Variants in CSTPP1 observed in about 807,000 individuals in gnomAD.
CSTPP1 encodes centriolar satellite-associated tubulin polyglutamylase complex regulator 1.
At chr11:46,970,272 G>A in the CSTPP1 span, among the ~76,000 whole-genome samples, 6 of 151,668 alleles carry the variant, frequency 4.0e-5, no homozygotes, top group Admixed American at 1.3e-4. Flanking sequence ...TTGAGATCCC[G>A]GAAATAGATG....
chr11:47,038,516 C>A, the CSTPP1 span, among the ~76,000 whole-genome samples: 1 of 103,102 alleles, frequency 9.7e-6, no homozygotes, highest in Non-Finnish European at 2.4e-5. Flanking sequence ...TCCTCACTTC[C>A]CAGTAGGGGC....
At chr11:47,112,131 C>A in the CSTPP1 span, among the ~76,000 whole-genome samples, 44 of 152,288 alleles carry the variant, frequency 2.9e-4, no homozygotes, top group East Asian at 8.3e-3. Flanking sequence ...TACTCCTTAA[C>A]CCCTTCAAAT....
the CSTPP1 span, among the ~76,000 whole-genome samples, chr11:47,122,651 C>T: frequency 6.6e-6 from 1 of 152,128 alleles, no homozygotes; most frequent in Non-Finnish European, 1.5e-5. Flanking sequence ...GGCATGATCT[C>T]AGCTCACTGC....
At chr11:47,150,377 C>T in the CSTPP1 span, among the ~76,000 whole-genome samples, 1 of 152,154 alleles carries the variant, frequency 6.6e-6, no homozygotes, top group Admixed American at 6.5e-5. Context: ...TCATGCATTT[C>T]TTCATTCAAC....
At chr11:47,092,367 A>C in the CSTPP1 span, among the ~76,000 whole-genome samples, 1 of 152,348 alleles carries the variant, frequency 6.6e-6, no homozygotes, top group Admixed American at 6.5e-5. Context: ...GAGTCACACC[A>C]GTTAATCATA....
At chr11:47,082,183 C>T in the CSTPP1 span, among the ~76,000 whole-genome samples, 1 of 144,564 alleles carries the variant, frequency 6.9e-6, no homozygotes, top group African/African-American at 2.5e-5. Context: ...AAAACAAAAA[C>T]ACAAACATGA....
the CSTPP1 span, among the ~76,000 whole-genome samples, chr11:47,142,183 C>T: frequency 6.7e-6 from 1 of 149,272 alleles, no homozygotes; most frequent in Non-Finnish European, 1.5e-5. Flanking sequence ...GCAGAGGTTG[C>T]AGTGAGCCGA....
At chr11:47,118,518 G>A in the CSTPP1 span, among the ~76,000 whole-genome samples, 2 of 152,258 alleles carry the variant, frequency 1.3e-5, no homozygotes, top group African/African-American at 2.4e-5. Flanking sequence ...CGATCCTTTG[G>A]AGGAGAAGAG....
chr11:47,066,250 A>G, the CSTPP1 span, among the ~76,000 whole-genome samples: 1 of 151,878 alleles, frequency 6.6e-6, no homozygotes, highest in Non-Finnish European at 1.5e-5. Context: ...AGGTCCTCAA[A>G]TAACATAATT....
chr11:47,126,077 C>G, the CSTPP1 span, among the ~76,000 whole-genome samples: 3 of 151,278 alleles, frequency 2.0e-5, no homozygotes, highest in Non-Finnish European at 4.4e-5. Context: ...CTTTTCTCTT[C>G]CTAATCTGTG....
chr11:47,150,340 G>C, the CSTPP1 span, among the ~76,000 whole-genome samples: 2 of 152,158 alleles, frequency 1.3e-5, no homozygotes, highest in African/African-American at 4.8e-5. Flanking sequence ...GAGGAAAAGG[G>C]GACCGTGGCT....
At chr11:47,076,836 A>G in the CSTPP1 span, among the ~76,000 whole-genome samples, 1 of 147,854 alleles carries the variant, frequency 6.8e-6, no homozygotes, top group Non-Finnish European at 1.5e-5. Context: ...TCTGTCTCCA[A>G]AAAAAAAAAA....
chr11:47,108,765 G>A, the CSTPP1 span, among the ~76,000 whole-genome samples: 1 of 142,028 alleles, frequency 7.0e-6, no homozygotes, highest in Non-Finnish European at 1.5e-5. Flanking sequence ...GGAGTACAGT[G>A]GCACAATCTC....
the CSTPP1 span, among the ~76,000 whole-genome samples, chr11:47,130,377 C>T: frequency 6.6e-6 from 1 of 152,142 alleles, no homozygotes; most frequent in Non-Finnish European, 1.5e-5. Flanking sequence ...AAATACTTTA[C>T]CCCACAGGTG....
chr11:47,138,014 C>G, the CSTPP1 span: 1 of 418,398 alleles, frequency 2.4e-6, no homozygotes. Flanking sequence ...CCAATACCCC[C>G]ACACACACAC....
the CSTPP1 span, among the ~76,000 whole-genome samples, chr11:47,110,060 G>C: frequency 6.6e-6 from 1 of 152,108 alleles, no homozygotes; most frequent in Non-Finnish European, 1.5e-5. Context: ...CATCTCATGT[G>C]GTCCCACCCT....
the CSTPP1 span, among the ~76,000 whole-genome samples, chr11:46,998,136 G>A: frequency 6.6e-6 from 1 of 152,170 alleles, no homozygotes; most frequent in Admixed American, 6.5e-5. Context: ...CTCACGCTGG[G>A]AGCTGTAGAC....
the CSTPP1 span, among the ~76,000 whole-genome samples, chr11:47,127,591 C>T: frequency 1.3e-5 from 2 of 151,938 alleles, no homozygotes; most frequent in African/African-American, 4.8e-5. Flanking sequence ...TGTCTGTGTG[C>T]CTTAAATGAA....
At chr11:46,942,502 A>T in the CSTPP1 span, among the ~76,000 whole-genome samples, 1 of 152,242 alleles carries the variant, frequency 6.6e-6, no homozygotes, top group African/African-American at 2.4e-5. Context: ...TCACGCTCCA[A>T]GTTGCCTCTT....
Sources: allele counts gnomAD v4.1 joint callset (sites outside exome capture counted in the v4.1 genomes callset), GRCh38; gene constraint gnomAD v4.1.1; transcripts MANE v1.5; gene names NCBI Gene and HGNC (gene_info 2026-07-23, HGNC 2026-07-21).